Variants in CACNA2D2 observed in about 807,000 individuals in gnomAD.
CACNA2D2 encodes the protein calcium voltage-gated channel auxiliary subunit alpha2delta 2, also known as voltage-dependent calcium channel subunit alpha-2/delta-2.
A neutral mutation model predicts 166.4 loss-of-function variants in CACNA2D2; 48 were observed. That is an observed-to-expected ratio of 0.29 (90% CI 0.23 to 0.37). The LOEUF is 0.37. Ranked by LOEUF, CACNA2D2 falls within the 10% of genes least tolerant of loss-of-function variation. The probability of loss-of-function intolerance (pLI) is 1.00; values close to 1 mark genes in which losing one functional copy is unlikely to be tolerated. For missense variants in CACNA2D2, 1,122 were observed against 1,433.0 expected (o/e 0.78, Z 3.50); for synonymous variants, 561 against 573.7 (o/e 0.98, Z 0.32).
At chr3:50,421,115 T>G (rs529492636) in intron 3 of CACNA2D2, among the ~76,000 whole-genome samples, 1 of 152,362 alleles carries the variant, frequency 6.6e-6, no homozygotes, top group South Asian at 2.1e-4. Context: ...CCCTGTGTGC[T>G]GGGGAGGGGG....
At chr3:50,370,811 A>AGC (rs1704619601) in intron 22 of CACNA2D2, among the ~76,000 whole-genome samples, 1 of 152,000 alleles carries the variant, frequency 6.6e-6, no homozygotes, top group African/African-American at 2.4e-5. Context: ...CCGCATGCTG[A>AGC]GCTTCCTTTG....
chr3:50,378,191 T>G, intron 14 of CACNA2D2, 93 bp downstream of exon 14: 1 of 1,567,018 alleles, frequency 6.4e-7, no homozygotes, highest in Non-Finnish European at 8.7e-7. Flanking sequence ...CCAGCCACTG[T>G]GAGGGGGCGC....
intron 22 of CACNA2D2, 25 bp downstream of exon 22, chr3:50,374,712 C>A: frequency 6.4e-7 from 1 of 1,574,490 alleles, no homozygotes. Flanking sequence ...GGGTGCAGGG[C>A]GCAGGCAGGG....
chr3:50,501,646 A>C (rs990044797), intron 1 of CACNA2D2, among the ~76,000 whole-genome samples: 2 of 152,190 alleles, frequency 1.3e-5, no homozygotes. Flanking sequence ...AGGTCGGGAG[A>C]GGTGGAAAGA....
intron 2 of CACNA2D2, among the ~76,000 whole-genome samples, chr3:50,461,398 G>A (rs1016939254): frequency 8.5e-5 from 13 of 152,188 alleles, no homozygotes; most frequent in African/African-American, 3.1e-4. Context: ...AGACATGACA[G>A]TCTCCAAAGT....
chr3:50,409,660 A>G (rs904355643), intron 3 of CACNA2D2, among the ~76,000 whole-genome samples: 7 of 152,170 alleles, frequency 4.6e-5, no homozygotes, highest in Non-Finnish European at 1.0e-4. Flanking sequence ...GTGGTTCCTC[A>G]GCTTATCTGT....
At chr3:50,468,428 T>TGTGTGC (rs1709920439) in intron 2 of CACNA2D2, among the ~76,000 whole-genome samples, 2 of 149,204 alleles carry the variant, frequency 1.3e-5, no homozygotes, top group Non-Finnish European at 3.0e-5. Flanking sequence ...TGTGTGTGTG[T>TGTGTGC]GTGTGTGTGT....
intron 2 of CACNA2D2, among the ~76,000 whole-genome samples, chr3:50,463,778 A>G (rs1455076294): frequency 1.3e-5 from 2 of 152,218 alleles, no homozygotes; most frequent in Non-Finnish European, 2.9e-5. Flanking sequence ...CTTGTATGGG[A>G]CAGACATCCT....
At chr3:50,409,593 C>A (rs894587710) in intron 3 of CACNA2D2, among the ~76,000 whole-genome samples, 2 of 152,230 alleles carry the variant, frequency 1.3e-5, no homozygotes, top group Non-Finnish European at 2.9e-5. Context: ...ACAGCAGCCC[C>A]TGCAAAGCAG....
At chr3:50,430,912 T>C (rs1708032378) in intron 3 of CACNA2D2, among the ~76,000 whole-genome samples, 1 of 152,184 alleles carries the variant, frequency 6.6e-6, no homozygotes, top group African/African-American at 2.4e-5. Context: ...TGCTGGTTGC[T>C]TGCATTGCAA....
chr3:50,365,002 C>A lies in CACNA2D2; in HGVS notation c.3209-32G>T, dbSNP rs771034623. ...ATGGGTGGGGAGTCAAGGAGGCGGA[C>A]GGCGGCGGCGGCACGGAGGGGGCGC... On this transcript the variant is annotated intron_variant, in intron 36 of 37. Transcript: ENST00000424201. The surrounding 1 kb of genome is among the most constrained non-coding windows in gnomAD (Gnocchi z 4.5). 5 of 1,497,264 alleles carry A rather than the reference C, an allele frequency of 3.3e-6. No individual in the cohort carries two copies. Among genetic ancestry groups the A allele is most frequent in the African/African-American group, 1.4e-5 (1 of 69,984 alleles). The allele number at this position is 1,497,264 out of a possible 1,614,324, so 92.7% of individuals were successfully genotyped here. A position where few individuals can be genotyped will look rare whatever the true frequency, so the allele number is the denominator to read the frequency against.
At chr3:50,440,892 G>T (rs1295307573) in intron 2 of CACNA2D2, among the ~76,000 whole-genome samples, 2 of 152,174 alleles carry the variant, frequency 1.3e-5, no homozygotes, top group Non-Finnish European at 2.9e-5. Context: ...GAAAAAGCCT[G>T]GGGAGGGCTT....
At chr3:50,373,222 C>CA in intron 22 of CACNA2D2, 1 of 738,178 alleles carries the variant, frequency 1.4e-6, no homozygotes, top group Non-Finnish European at 2.2e-6. Context: ...AATATTGTGT[C>CA]TCATCATCAT....
intron 1 of CACNA2D2, among the ~76,000 whole-genome samples, chr3:50,501,752 A>C (rs1350469418): frequency 6.6e-6 from 1 of 152,138 alleles, no homozygotes; most frequent in East Asian, 1.9e-4. Flanking sequence ...AAGAAAGAAC[A>C]ACAAAAAAAT....
rs150594373 is a variant in CACNA2D2, at chr3:50,384,057, C to T, written c.652+139G>A. On this transcript the variant is annotated intron_variant, in intron 6 of 37. Coordinates refer to ENST00000424201, the MANE Select transcript of CACNA2D2 (RefSeq NM_006030.4). ...CACATGTGGGTGAATCTGAGAGGTG[C>T]GCAGGAGTAATCTCAGGTGTAGGAG... 3.9e-4 allele frequency: 404 copies of T among 1,038,650 alleles called. 6 individuals are homozygous for T. In the Middle Eastern group the frequency reaches 0.01, roughly 26 times the overall value. 64.3% of individuals were successfully genotyped at this position (1,038,650 alleles called of 1,614,324 possible).
chr3:50,370,186 G>A (rs1276202522), intron 23 of CACNA2D2, 134 bp downstream of exon 23: 5 of 683,422 alleles, frequency 7.3e-6, no homozygotes, highest in East Asian at 2.7e-5. Flanking sequence ...CGCGCATACC[G>A]GGCGATGTAT....
rs1422201852 is a variant in CACNA2D2, at chr3:50,366,764, G to C, written c.2589+67C>G. 7 of 1,560,726 alleles carry C rather than the reference G, an allele frequency of 4.5e-6. No individual in the cohort carries two copies. In the East Asian group the frequency reaches 1.6e-4, roughly 36 times the overall value. ...TGTTGGAGCCACTGAGTGGAGGGTT[G>C]GTGGGGGTTCCAGGGGACTCCAGGA... On this transcript the variant is annotated intron_variant, in intron 29 of 37. Coordinates refer to ENST00000424201, the MANE Select transcript of CACNA2D2 (RefSeq NM_006030.4). The surrounding 1 kb of genome is among the most constrained non-coding windows in gnomAD (Gnocchi z 5.9).
At chr3:50,448,603 G>A (rs1316528612) in intron 2 of CACNA2D2, among the ~76,000 whole-genome samples, 1 of 152,140 alleles carries the variant, frequency 6.6e-6, no homozygotes, top group African/African-American at 2.4e-5. Flanking sequence ...CATGTTGGGG[G>A]AAGGCTCGCA....
chr3:50,426,723 CAGG>C (rs1346744305), intron 3 of CACNA2D2, among the ~76,000 whole-genome samples: 4 of 152,088 alleles, frequency 2.6e-5, no homozygotes. Context: ...GAGGAGGTCC[CAGG>C]AGAAGGGCCT....
Sources: allele counts gnomAD v4.1 joint callset (sites outside exome capture counted in the v4.1 genomes callset), GRCh38; gene constraint gnomAD v4.1.1; non-coding constraint Gnocchi (gnomAD v3.1); transcripts MANE v1.5; gene names NCBI Gene and HGNC (gene_info 2026-07-23, HGNC 2026-07-21).